Variants in PRAME observed in about 807,000 individuals in gnomAD.
PRAME encodes the protein PRAME nuclear receptor transcriptional regulator.
A neutral mutation model predicts 32.1 loss-of-function variants in PRAME; 21 were observed. The ratio of observed to expected loss-of-function variants is 0.65; its 90% CI spans 0.46 to 0.94. The LOEUF is 0.94. Ranked by LOEUF, PRAME falls within the 40% of genes least tolerant of loss-of-function variation. The pLI, the probability that PRAME is intolerant of heterozygous loss-of-function variation, is 0.00. For missense variants in PRAME, 651 were observed against 622.3 expected (o/e 1.05, Z -0.49); for synonymous variants, 274 against 251.5 (o/e 1.09, Z -0.85).
chr22:22,554,331 G>C, intron 3 of PRAME: 2 of 813,378 alleles, frequency 2.5e-6, no homozygotes, highest in African/African-American at 1.9e-5. Flanking sequence ...CCTGCGTAAG[G>C]AGGCTGTAAT....
At chr22:22,553,114 G>A (rs1445598503) in intron 3 of PRAME, among the ~76,000 whole-genome samples, 3 of 151,798 alleles carry the variant, frequency 2.0e-5, no homozygotes, top group Non-Finnish European at 4.4e-5. Context: ...TAACTGTTAG[G>A]GGAATTTTTG....
At position 22,555,904 on chromosome 22, in the gene PRAME, TG is replaced by T. The variant is rs1569228243; in HGVS notation, c.21+907del. 4 of 470,812 alleles carry T rather than the reference TG, an allele frequency of 8.5e-6. 1 individual carries two copies. Among genetic ancestry groups the T allele is most frequent in the African/African-American group, 6.0e-5 (3 of 50,120 alleles). The allele number at this position is 470,812 out of a possible 1,614,324, so 29.2% of individuals were successfully genotyped here. On this transcript the variant is annotated intron_variant, in intron 3 of 5. Transcript: ENST00000405655. ...TGGAGCTCATACTCTCTGACACCAC[TG>T]GAAGTGTGGGCTTTTGCGTCTGATT...
rs759384664 is a variant in PRAME, at chr22:22,550,791, A to G, written c.320T>C (p.Leu107Pro). 4.4e-6 allele frequency: 7 copies of G among 1,595,570 alleles called. No homozygotes were observed. Among genetic ancestry groups the G allele is most frequent in the Non-Finnish European group, 5.1e-6 (6 of 1,167,594 alleles). ...FKAVLDGLDVLLAQEVRPRRW... is the reference protein window; with the variant it reads ...FKAVLDGLDVPLAQEVRPRRW... The stretch of plus-strand genomic sequence containing the variant: ...CCTGGGGCGAACCTCCTGGGCAAGG[A>G]GCACATCAAGTCCATCAAGCACAGC... The change falls in exon 4 of 6, where the codon CTC (leucine) becomes CCC (proline). Residue 107 changes from leucine (L) to proline (P), a missense_variant. Physicochemically the swap from Leu to Pro is moderately conservative, Grantham distance 98. Coordinates refer to ENST00000405655, the MANE Select transcript of PRAME (RefSeq NM_206956.3).
At chr22:22,551,639 A>AG in intron 3 of PRAME, among the ~76,000 whole-genome samples, 1 of 109,850 alleles carries the variant, frequency 9.1e-6, no homozygotes, top group African/African-American at 3.5e-5. Context: ...TACAATAAAA[A>AG]AAAAACATTC....
intron 3 of PRAME, chr22:22,553,991 G>A (rs552875842): frequency 2.0e-6 from 2 of 985,100 alleles, no homozygotes; most frequent in South Asian, 4.7e-5. Context: ...CCCCTAAGCT[G>A]CTCAGGTACA....
intron 3 of PRAME, among the ~76,000 whole-genome samples, chr22:22,551,957 A>G (rs2062602568): frequency 6.6e-6 from 1 of 151,512 alleles, no homozygotes; most frequent in Non-Finnish European, 1.5e-5. Flanking sequence ...ATTATTAACT[A>G]CAGTTACCAT....
intron 3 of PRAME, among the ~76,000 whole-genome samples, chr22:22,554,518 A>G (rs1166083069): frequency 6.6e-6 from 1 of 151,974 alleles, no homozygotes; most frequent in Non-Finnish European, 1.5e-5. Context: ...GATTAGTAAT[A>G]AAGGTCATTG....
Position 22,549,707 on chromosome 22 carries a change from A to G in PRAME, c.953+19T>C. Reference sequence around the variant, plus strand: ...GAAGGGCTTGCTCTGGTCTGCAGAGAAATCTCACCATCCCTCACCTGAGCA... The same window carrying G: ...GAAGGGCTTGCTCTGGTCTGCAGAGGAATCTCACCATCCCTCACCTGAGCA... On this transcript the variant is annotated intron_variant, in intron 5 of 5. Coordinates refer to ENST00000405655, the MANE Select transcript of PRAME (RefSeq NM_206956.3). The G allele has an allele frequency of 6.4e-7, 1 of 1,570,338 alleles. No homozygotes were observed. The highest frequency in any genetic ancestry group is 8.6e-7 in the Non-Finnish European group (1 of 1,164,154).
chr22:22,549,761 T>TA lies in PRAME; in HGVS notation c.917dup (p.Leu306PhefsTer5). ...GATCCAGGCGGCCTCTAAGGAAAAA[T>TA]AAAGAGTCCACATAGAGAGCCTGCA... On this transcript the variant is annotated frameshift_variant, in exon 5 of 6. Coordinates refer to ENST00000405655, the MANE Select transcript of PRAME (RefSeq NM_206956.3). LOFTEE classifies it low-confidence loss of function (END_TRUNC). 1 of 1,608,996 alleles carries TA rather than the reference T, an allele frequency of 6.2e-7. No individual in the cohort carries two copies. The highest frequency in any genetic ancestry group is 8.5e-7 in the Non-Finnish European group (1 of 1,178,574).
At chr22:22,553,492 T>C (rs2062722543) in intron 3 of PRAME, among the ~76,000 whole-genome samples, 1 of 151,742 alleles carries the variant, frequency 6.6e-6, no homozygotes. Flanking sequence ...GTAGAGAAAT[T>C]AAAAAGGGGA....
intron 1 of PRAME, among the ~76,000 whole-genome samples, chr22:22,558,494 G>C (rs1313827993): frequency 1.0e-5 from 1 of 96,430 alleles, no homozygotes; most frequent in Non-Finnish European, 2.1e-5. Context: ...AAAAACAAAG[G>C]GTTGGGGAGG....
intron 3 of PRAME, chr22:22,553,773 G>C (rs1444951677): frequency 2.0e-6 from 2 of 983,462 alleles, no homozygotes; most frequent in Non-Finnish European, 1.2e-6. Flanking sequence ...AGCCAGGAAA[G>C]AAATAAACAA....
chr22:22,550,449 CT>C (rs1475684835), intron 4 of PRAME, 115 bp from the exon 5 acceptor site: 1 of 1,366,802 alleles, frequency 7.3e-7, no homozygotes, highest in Non-Finnish European at 9.9e-7. Context: ...TAGATCTGCA[CT>C]TTTACTTCGT....
At chr22:22,555,851 C>A (rs181842968) in intron 3 of PRAME, 305 of 470,592 alleles carry the variant, frequency 6.5e-4, no homozygotes, top group African/African-American at 5.6e-3. Context: ...ATGGCCCAAG[C>A]CCATGGGGCA....
chr22:22,555,512 A>G (rs2062851568), intron 3 of PRAME, among the ~76,000 whole-genome samples: 2 of 151,884 alleles, frequency 1.3e-5, no homozygotes, highest in Non-Finnish European at 2.9e-5. Context: ...TGTTGAGATT[A>G]CAAGAGTGAG....
intron 1 of PRAME, among the ~76,000 whole-genome samples, chr22:22,558,626 G>C (rs1411119041): frequency 1.1e-4 from 15 of 140,010 alleles, no homozygotes; most frequent in African/African-American, 3.2e-4. Flanking sequence ...CCACCAGACA[G>C]TAGGGTGGGG....
chr22:22,550,034 A>C lies in PRAME; in HGVS notation c.645T>G (p.Ile215Met). Residue 215 changes from isoleucine to methionine, a missense_variant, in exon 5 of 6, where the codon ATT becomes ATG. Transcript: ENST00000405655. ...TGATATCCTGCATGGGCATTGCAAA[A>C]ATCTTCAGCTTCTTACAGCACAGGC... ...VLRLCCKKLK[I>M]FAMPMQDIKM... is the part of the protein sequence containing the mutation. The C allele has an allele frequency of 1.2e-6, 2 of 1,613,832 alleles. No individual in the cohort carries two copies. Among genetic ancestry groups the C allele is most frequent in the Non-Finnish European group, 1.7e-6 (2 of 1,179,958 alleles).
intron 5 of PRAME, among the ~76,000 whole-genome samples, chr22:22,549,045 CCA>C (rs1402125646): frequency 1.3e-5 from 2 of 151,850 alleles, no homozygotes; most frequent in Non-Finnish European, 2.9e-5. Context: ...TGCCTGGGCC[CCA>C]GTCACCTCTA....
chr22:22,547,934 C>T lies in PRAME; in HGVS notation c.*133G>A. ...AACATTTGTCTGAATGTTTTTTCCTCACTGAACATGTTTTCCTCACTCACA... is the reference window on the plus strand; with the variant it reads ...AACATTTGTCTGAATGTTTTTTCCTTACTGAACATGTTTTCCTCACTCACA... On this transcript the variant is annotated 3_prime_UTR_variant, in exon 6 of 6. Transcript: ENST00000405655. The T allele has an allele frequency of 9.8e-7, 1 of 1,016,490 alleles. No homozygotes were observed. The highest frequency in any genetic ancestry group is 1.5e-6 in the Non-Finnish European group (1 of 688,468). The allele number at this position is 1,016,490 out of a possible 1,614,324, so 63.0% of individuals were successfully genotyped here. A position where few individuals can be genotyped will look rare whatever the true frequency, so the allele number is the denominator to read the frequency against.
Sources: allele counts gnomAD v4.1 joint callset (sites outside exome capture counted in the v4.1 genomes callset), GRCh38; gene constraint gnomAD v4.1.1; transcripts MANE v1.5; gene names NCBI Gene and HGNC (gene_info 2026-07-23, HGNC 2026-07-21).